Variants in GPC5 observed in about 807,000 individuals in gnomAD.
The protein encoded by GPC5 is glypican-5.
Under a neutral mutation model 53.9 loss-of-function variants are expected in GPC5, and 47 were observed. The observed-to-expected ratio is 0.87, with a 90% CI of 0.69 to 1.11. The LOEUF is 1.11. GPC5 is among the 50% of genes most tolerant of loss of function. The pLI is 0.00. For missense variants in GPC5, 748 were observed against 713.1 expected (o/e 1.05, Z -0.56); for synonymous variants, 286 against 263.3 (o/e 1.09, Z -0.84).
intron 7 of GPC5, among the ~76,000 whole-genome samples, chr13:92,372,559 T>A (rs1926605): frequency 0.59 from 90,428 of 152,000 alleles, 27,138 homozygotes; most frequent in East Asian, 0.74. Context: ...AGATCAGATA[T>A]TTTATTTTTC....
intron 7 of GPC5, among the ~76,000 whole-genome samples, chr13:92,705,394 G>T (rs1348628911): frequency 6.6e-6 from 1 of 151,846 alleles, no homozygotes; most frequent in East Asian, 1.9e-4. Flanking sequence ...GTTTTTATAG[G>T]GCAATGTCTA....
intron 7 of GPC5, among the ~76,000 whole-genome samples, chr13:92,336,454 G>A (rs2043323785): frequency 6.6e-6 from 1 of 152,086 alleles, no homozygotes. Context: ...AAAAACATAT[G>A]AGAATTAACA....
chr13:92,741,952 T>C (rs1418175306), intron 7 of GPC5, among the ~76,000 whole-genome samples: 3 of 152,264 alleles, frequency 2.0e-5, no homozygotes, highest in East Asian at 3.9e-4. Flanking sequence ...CCATGGTGTA[T>C]ATGTGCCACA....
At chr13:92,243,558 T>G (rs2139119054) in intron 7 of GPC5, among the ~76,000 whole-genome samples, 1 of 152,144 alleles carries the variant, frequency 6.6e-6, no homozygotes, top group African/African-American at 2.4e-5. Flanking sequence ...GATGGAATGG[T>G]GAAAGAAAGA....
chr13:92,385,501 CATAT>C (rs1191459075), intron 7 of GPC5, among the ~76,000 whole-genome samples: 3 of 121,974 alleles, frequency 2.5e-5, no homozygotes, highest in African/African-American at 1.0e-4. Flanking sequence ...TATATACATA[CATAT>C]ACATATATAC....
At chr13:92,205,056 T>G (rs2042323596) in intron 7 of GPC5, among the ~76,000 whole-genome samples, 1 of 152,070 alleles carries the variant, frequency 6.6e-6, no homozygotes, top group South Asian at 2.1e-4. Flanking sequence ...TTTTTTGTAT[T>G]TTTAGTAGAG....
At chr13:92,598,838 G>A (rs1043167443) in intron 7 of GPC5, among the ~76,000 whole-genome samples, 9 of 152,138 alleles carry the variant, frequency 5.9e-5, no homozygotes, top group South Asian at 2.1e-4. Context: ...CCAACATGGC[G>A]AAAACTCGTC....
intron 6 of GPC5, among the ~76,000 whole-genome samples, chr13:92,072,197 TA>T (rs1173085224): frequency 6.7e-6 from 1 of 148,462 alleles, no homozygotes; most frequent in Non-Finnish European, 1.5e-5. Context: ...TATAAATAAA[TA>T]AAATGTATAT....
chr13:92,600,567 A>G (rs901017296), intron 7 of GPC5, among the ~76,000 whole-genome samples: 1 of 151,856 alleles, frequency 6.6e-6, no homozygotes, highest in Admixed American at 6.6e-5. Context: ...GCATGATCTC[A>G]GCTCACTGCA....
chr13:92,243,900 T>C (rs924158455), intron 7 of GPC5, among the ~76,000 whole-genome samples: 2 of 152,008 alleles, frequency 1.3e-5, no homozygotes, highest in African/African-American at 4.8e-5. Flanking sequence ...GGGTATGCCA[T>C]TGGGAGGATT....
chr13:91,719,646 G>A (rs1482739825), intron 3 of GPC5, among the ~76,000 whole-genome samples: 1 of 152,036 alleles, frequency 6.6e-6, no homozygotes. Context: ...AATTTTAATT[G>A]AAAAAGAAGA....
intron 2 of GPC5, among the ~76,000 whole-genome samples, chr13:91,495,894 G>T (rs890744186): frequency 6.6e-6 from 1 of 152,064 alleles, no homozygotes; most frequent in Admixed American, 6.6e-5. Context: ...GTGGTGGCGG[G>T]TGCCTGTAAT....
chr13:91,621,045 G>T (rs972992304), intron 2 of GPC5, among the ~76,000 whole-genome samples: 1 of 152,116 alleles, frequency 6.6e-6, no homozygotes, highest in African/African-American at 2.4e-5. Context: ...GTCCAACGTT[G>T]CAACAACTGT....
In GPC5 at chr13:92,483,898, T is replaced by C. The variant is rs1175232001; in HGVS notation, c.1561+338909T>C. ...ATCCCAGCACTCTGGGAGGTCAAGG[T>C]GGGAAAAGGCCTCCTCCTCTTGAGG... On this transcript the variant is annotated intron_variant, in intron 7 of 7. Coordinates refer to ENST00000377067, the MANE Select transcript of GPC5 (RefSeq NM_004466.6). 2.0e-5 allele frequency among the ~76,000 whole-genome samples: 3 copies of C among 151,708 alleles called. No homozygotes were observed. The East Asian group carries it at 5.8e-4, about 29-fold the overall frequency.
intron 7 of GPC5, among the ~76,000 whole-genome samples, chr13:92,853,313 A>G (rs1566446140): frequency 6.9e-6 from 1 of 144,538 alleles, no homozygotes. Context: ...CATTCACATG[A>G]CACAGATGGT....
intron 7 of GPC5, among the ~76,000 whole-genome samples, chr13:92,684,222 G>C (rs182156405): frequency 2.6e-5 from 4 of 151,850 alleles, no homozygotes; most frequent in Admixed American, 6.6e-5. Context: ...TGCATTTAAG[G>C]TTCTTCCATG....
chr13:92,702,082 T>C (rs932939081), intron 7 of GPC5, among the ~76,000 whole-genome samples: 3 of 152,148 alleles, frequency 2.0e-5, no homozygotes, highest in Admixed American at 2.0e-4. Context: ...GGAGAGTAGC[T>C]TGCAGAATAC....
chr13:92,365,948 T>A (rs999070257), intron 7 of GPC5, among the ~76,000 whole-genome samples: 2 of 151,654 alleles, frequency 1.3e-5, no homozygotes, highest in Admixed American at 1.3e-4. Flanking sequence ...CAGCACAGTA[T>A]AACAAATATT....
At position 92,527,152 on chromosome 13, in the gene GPC5, GAAAGAAAGAAAGAAAGAAAGAGAA is replaced by G. The variant is rs1566276594; in HGVS notation, c.1562-339128_1562-339105del. Among the ~76,000 whole-genome samples the G allele has an allele frequency of 4.0e-4, 44 of 110,464 alleles. 2 individuals carry two copies. The highest frequency in any genetic ancestry group is 5.2e-4 in the Non-Finnish European group (27 of 51,626). 72.5% of individuals were successfully genotyped at this position (110,464 alleles called of 152,430 possible). ...AGAAAGAAAGAAAGAAAGAAAGAAA[GAAAGAAAGAAAGAAAGAAAGAGAA>G]AGAAAGAAGAAAGAAAGAAAGAAAG... On this transcript the variant is annotated intron_variant, in intron 7 of 7. Coordinates refer to ENST00000377067, the MANE Select transcript of GPC5 (RefSeq NM_004466.6).
Sources: gnomAD v4.1 joint callset for allele counts (sites outside exome capture counted in the v4.1 genomes callset) on GRCh38, gnomAD v4.1.1 for gene constraint, MANE v1.5 for transcripts, NCBI Gene and HGNC (gene_info 2026-07-23, HGNC 2026-07-21) for gene names.